PANX2: variants seen among roughly 807,000 people sequenced by gnomAD.
The protein encoded by PANX2 is pannexin 2, also known as pannexin-2.
PANX2 carries 30 observed loss-of-function variants against 38.7 expected under a neutral mutation model. The ratio of observed to expected loss-of-function variants is 0.78; its 90% CI spans 0.58 to 1.05. The LOEUF is 1.05. Ranked by LOEUF, PANX2 falls within the 50% of genes least tolerant of loss-of-function variation. The pLI, the probability that PANX2 is intolerant of heterozygous loss-of-function variation, is 0.00. For missense variants in PANX2, 880 were observed against 979.3 expected, an observed-to-expected ratio of 0.90 and a Z score of 1.35; for synonymous variants, 539 against 472.1, an observed-to-expected ratio of 1.14 and a Z score of -1.84.
rs1348981797 is a variant in PANX2 at position 50,179,590 on chromosome 22, AAG to A, written c.*316_*317del. On this transcript the variant is annotated 3_prime_UTR_variant, in exon 3 of 3. Transcript: ENST00000395842. ...AGCCGTGGGTGGGGGCCCTGAGGTG[AAG>A]AGTTTATTTTTTTAGTCCGTTTCGT... 2 of 379,772 alleles carry A rather than the reference AAG, an allele frequency of 5.3e-6. No homozygotes were observed. Among genetic ancestry groups the A allele is most frequent in the Admixed American group, 8.8e-5 (2 of 22,852 alleles). The allele number at this position is 379,772 out of a possible 1,614,324, so 23.5% of individuals were successfully genotyped here.
rs774942574 is a variant in PANX2, at chr22:50,179,315, C to T, written c.*38C>T. On this transcript the variant is annotated 3_prime_UTR_variant, in exon 3 of 3. Coordinates refer to ENST00000395842, the MANE Select transcript of PANX2 (RefSeq NM_052839.4). ...TCCAGGCCGCCGAGAGCCCCTCTGCCTGTGTCGTGTGGCCTGGCCAGCCTC... is the reference window on the plus strand; with the variant it reads ...TCCAGGCCGCCGAGAGCCCCTCTGCTTGTGTCGTGTGGCCTGGCCAGCCTC... 3 of 1,570,502 alleles carry T rather than the reference C, an allele frequency of 1.9e-6. No individual in the cohort carries two copies. The highest frequency in any genetic ancestry group is 2.6e-6 in the Non-Finnish European group (3 of 1,149,620).
chr22:50,177,080 T>A lies in PANX2; in HGVS notation c.368T>A (p.Phe123Tyr), dbSNP rs2063665149. ...TGGCCGTCGCTGTTTGAGCACAAGTTCCTGCCCTACGCGCTGCTGGCCTTC... is the reference window on the plus strand; with the variant it reads ...TGGCCGTCGCTGTTTGAGCACAAGTACCTGCCCTACGCGCTGCTGGCCTTC... ...SLWPSLFEHK[F>Y]LPYALLAFAA... is the part of the protein sequence containing the mutation. Residue 123 changes from phenylalanine (F) to tyrosine (Y), a missense_variant, in exon 2 of 3, where the codon TTC becomes TAC. Transcript: ENST00000395842. The A allele has an allele frequency of 6.2e-7, 1 of 1,611,012 alleles. No homozygotes were observed. Among genetic ancestry groups the A allele is most frequent in the Admixed American group, 1.7e-5 (1 of 59,772 alleles).
rs753152454 is a variant in PANX2, at chr22:50,177,205, T to TA, written c.494dup (p.Tyr165Ter). Residue 165 changes from tyrosine (Y) to a stop codon, truncating the protein, a stop_gained and frameshift_variant, in exon 2 of 3, where the codon TAC becomes TAAC. Transcript: ENST00000395842. LOFTEE classifies it high-confidence loss of function. ...CCTGCTGCAGGAGATCGACAACTGT[T>TA]ACCACCGGGCGGCCGAGGGCCGCGC... The part of the protein sequence containing the change: ...NFLLQEIDNC[Y>*]HRAAEGRAPK... The TA allele has an allele frequency of 6.2e-7, 1 of 1,610,796 alleles. No homozygotes were observed. Among genetic ancestry groups the TA allele is most frequent in the Non-Finnish European group, 8.5e-7 (1 of 1,179,076 alleles).
chr22:50,171,030 G>A, intron 1 of PANX2, 74 bp downstream of exon 1: 1 of 750,784 alleles, frequency 1.3e-6, no homozygotes, highest in Non-Finnish European at 1.9e-6. Context: ...GGCGCTTCCC[G>A]CGTCCCCGGC....
At chr22:50,173,362 C>T (rs1320073151) in intron 1 of PANX2, among the ~76,000 whole-genome samples, 2 of 152,252 alleles carry the variant, frequency 1.3e-5, no homozygotes, top group South Asian at 2.1e-4. Context: ...GGAAAGGAAG[C>T]GAGCGCTCTG....
At chr22:50,171,048 T>C in intron 1 of PANX2, 92 bp downstream of exon 1, 1 of 563,444 alleles carries the variant, frequency 1.8e-6, no homozygotes, top group African/African-American at 2.0e-5. Context: ...GGCGGCTCCG[T>C]CCAGCCGCGC....
chr22:50,179,104 G>T lies in PANX2; in HGVS notation c.1861G>T (p.Ala621Ser). Reference protein sequence around the residue: ...AEPLTILSRNATHPLLHINTL... With the variant: ...AEPLTILSRNSTHPLLHINTL... ...GCCCCTCACCATCCTGAGCCGAAAC[G>T]CCACACACCCGCTGCTGCACATCAA... The change falls in exon 3 of 3, where the codon GCC (alanine) becomes TCC (serine). Residue 621 changes from alanine to serine, a missense_variant. Physicochemically the swap from Ala to Ser is moderately conservative, Grantham distance 99 (BLOSUM62 1). Coordinates refer to ENST00000395842, the MANE Select transcript of PANX2 (RefSeq NM_052839.4). The T allele has an allele frequency of 1.2e-6, 2 of 1,611,888 alleles. No homozygotes were observed. The highest frequency in any genetic ancestry group is 1.7e-5 in the Admixed American group (1 of 59,904).
chr22:50,176,262 A>G (rs2063660708), intron 1 of PANX2, among the ~76,000 whole-genome samples: 2 of 152,330 alleles, frequency 1.3e-5, no homozygotes, highest in South Asian at 4.1e-4. Context: ...AGTAACGACC[A>G]TTTGCCTGCA....
At chr22:50,172,038 T>A (rs951750673) in intron 1 of PANX2, among the ~76,000 whole-genome samples, 1 of 152,044 alleles carries the variant, frequency 6.6e-6, no homozygotes, top group African/African-American at 2.4e-5. Flanking sequence ...TGGTCTCCTC[T>A]TCGACACTGG....
chr22:50,177,634 A>G lies in PANX2; in HGVS notation c.922A>G (p.Asn308Asp), dbSNP rs1301232616. The stretch of plus-strand genomic sequence containing the variant: ...CGTCATGAACCTCATCATCCTCGTC[A>G]ACCTCATCCACCTCTTCATCTTCCG... ...LCVMNLIILV[N>D]LIHLFIFRKS... The change falls in exon 2 of 3, where the codon AAC becomes GAC. Residue 308 changes from asparagine (N) to aspartate (D), a missense_variant. Around this residue, in one of 4 missense-constraint regions of PANX2, gnomAD observed 114 missense variants for 108.8 expected, o/e 1.05. Transcript: ENST00000395842. 2.5e-6 allele frequency: 4 copies of G among 1,612,894 alleles called. No homozygotes were observed. Among genetic ancestry groups the G allele is most frequent in the Non-Finnish European group, 3.4e-6 (4 of 1,179,992 alleles).
chr22:50,178,554 T>A, intron 2 of PANX2, 152 bp downstream of exon 2: 1 of 561,352 alleles, frequency 1.8e-6, no homozygotes, highest in Non-Finnish European at 3.0e-6. Context: ...GAGGCCGAGG[T>A]TTGAACCGGC....
At chr22:50,176,840 G>T in intron 1 of PANX2, 99 bp from the exon 2 acceptor site, 2 of 1,288,698 alleles carry the variant, frequency 1.6e-6, no homozygotes, top group South Asian at 1.6e-5. Context: ...AGAGGCTCCT[G>T]GGAGGGGTTC....
Position 50,170,740 on chromosome 22 carries a change from C to T in PANX2, c.10C>T (p.Leu4Phe), listed in dbSNP as rs1159613543. MHH[L>F]LEQSADMATA... is the part of the protein sequence containing the mutation. ...GCGCCCCCCGCCCCCCATGCACCAC[C>T]TCCTGGAGCAGTCGGCGGACATGGC... The change falls in exon 1 of 3, where the codon CTC becomes TTC. Residue 4 changes from leucine (L) to phenylalanine (F), a missense_variant. Leu to Phe is a conservative substitution (Grantham distance 22). This residue lies in a region of PANX2 where 243 missense variants were observed against 333.1 expected (regional missense o/e 0.73). Coordinates refer to ENST00000395842, the MANE Select transcript of PANX2 (RefSeq NM_052839.4). 5 of 1,254,544 alleles carry T rather than the reference C, an allele frequency of 4.0e-6. No individual in the cohort carries two copies. The highest frequency in any genetic ancestry group is 3.1e-5 in the African/African-American group (2 of 63,854). The allele number at this position is 1,254,544 out of a possible 1,614,324, so 77.7% of individuals were successfully genotyped here.
At position 50,177,333 on chromosome 22, in the gene PANX2, G is replaced by A. The variant is rs1481474466; in HGVS notation, c.621G>A (p.Gln207=). Residue 207 remains glutamine, a synonymous_variant, in exon 2 of 3, where the codon CAG becomes CAA. Transcript: ENST00000395842. ...CGGAGAAGGAGAAGAGCCCGGAGCA[G>A]AACCTGTTCGAGAAGTACCTGGAGC... ...ENAEKEKSPE[Q]NLFEKYLERR... The A allele has an allele frequency of 1.1e-5, 17 of 1,610,512 alleles. No individual in the cohort carries two copies. The highest frequency in any genetic ancestry group is 4.0e-5 in the African/African-American group (3 of 74,842).
At position 50,180,190 on chromosome 22, in the gene PANX2, C is replaced by G. The variant is rs897924803; in HGVS notation, c.*913C>G. 6.6e-6 allele frequency: 1 copy of G among 152,394 alleles called. No individual in the cohort carries two copies. The highest frequency in any genetic ancestry group is 1.9e-4 in the East Asian group (1 of 5,174). The allele number at this position is 152,394 out of a possible 1,614,324, so 9.4% of individuals were successfully genotyped here. A position where few individuals can be genotyped will look rare whatever the true frequency, so the allele number is the denominator to read the frequency against. ...CATGGCTTCCTGTGGGAGCCCCGGC[C>G]GGCACCCGGCTGGTCCCACCCCAAA... On this transcript the variant is annotated 3_prime_UTR_variant, in exon 3 of 3. Transcript: ENST00000395842.
At chr22:50,171,220 A>C (rs1365321722) in intron 1 of PANX2, among the ~76,000 whole-genome samples, 2 of 152,058 alleles carry the variant, frequency 1.3e-5, no homozygotes, top group African/African-American at 4.8e-5. Flanking sequence ...GCCTGTCTGG[A>C]CCCAGGGGTC....
At chr22:50,175,320 G>A (rs576778489) in intron 1 of PANX2, 1 of 374,324 alleles carries the variant, frequency 2.7e-6, no homozygotes, top group Non-Finnish European at 5.0e-6. Flanking sequence ...TGGGTCCAGG[G>A]TTCTGGGGCC....
chr22:50,178,336 C>A lies in PANX2; in HGVS notation c.1624C>A (p.Gln542Lys). 6.7e-7 allele frequency: 1 copy of A among 1,500,990 alleles called. No homozygotes were observed. Among genetic ancestry groups the A allele is most frequent in the Non-Finnish European group, 8.8e-7 (1 of 1,132,820 alleles). 93.0% of individuals were successfully genotyped at this position (1,500,990 alleles called of 1,614,324 possible). Residue 542 changes from glutamine to lysine, a missense_variant, in exon 2 of 3, where the codon CAG becomes AAG. Around this residue, in one of 4 missense-constraint regions of PANX2, gnomAD observed 445 missense variants for 404.3 expected, o/e 1.10. Transcript: ENST00000395842. ...CGCCGCCCTGCCCGCCTCCCGGAGCCAGGAGGGGGGCTTCCTGTCCCAGGC... is the reference window on the plus strand; with the variant it reads ...CGCCGCCCTGCCCGCCTCCCGGAGCAAGGAGGGGGGCTTCCTGTCCCAGGC... ...VPAALPASRSQEGGFLSQAED... is the reference protein window; with the variant it reads ...VPAALPASRSKEGGFLSQAED...
In PANX2 at chr22:50,178,354, TC is replaced by T; in HGVS notation, c.1645del (p.Gln549ArgfsTer7). The T allele has an allele frequency of 6.7e-7, 1 of 1,489,906 alleles. No individual in the cohort carries two copies. Among genetic ancestry groups the T allele is most frequent in the Non-Finnish European group, 8.9e-7 (1 of 1,127,964 alleles). The allele number at this position is 1,489,906 out of a possible 1,614,324, so 92.3% of individuals were successfully genotyped here. On this transcript the variant is annotated frameshift_variant, in exon 2 of 3. Coordinates refer to ENST00000395842, the MANE Select transcript of PANX2 (RefSeq NM_052839.4). LOFTEE classifies it low-confidence loss of function (END_TRUNC). ...ASRSQEGGFL[S>X]QAEDCGLGLA... ...CCGGAGCCAGGAGGGGGGCTTCCTG[TC>T]CCAGGCGGAGGACTGTGGGCTAGGC...
Sources: gnomAD v4.1 joint callset for allele counts (sites outside exome capture counted in the v4.1 genomes callset) on GRCh38, gnomAD v4.1.1 for gene constraint, gnomAD v4.1.1 regional missense constraint, MANE v1.5 for transcripts, NCBI Gene and HGNC (gene_info 2026-07-23, HGNC 2026-07-21) for gene names.